Variants in PDE8A observed in about 807,000 individuals in gnomAD.
The protein encoded by PDE8A is high affinity cAMP-specific and IBMX-insensitive 3',5'-cyclic phosphodiesterase 8A.
In PDE8A, 59 loss-of-function variants were observed where a neutral mutation model predicts 105.0. That is an observed-to-expected ratio of 0.56 (90% confidence interval 0.46 to 0.70). The LOEUF (loss-of-function observed/expected upper bound fraction) is 0.70, where lower values mean the gene tolerates loss of function less well. Ranked by LOEUF, PDE8A falls within the 30% of genes least tolerant of loss-of-function variation. PDE8A has a pLI of 0.00. For missense variants in PDE8A, 1,014 were observed against 1,045.9 expected, an observed-to-expected ratio of 0.97 and a Z score of 0.42; for synonymous variants, 355 against 371.9, an observed-to-expected ratio of 0.95 and a Z score of 0.52.
intron 1 of PDE8A, among the ~76,000 whole-genome samples, chr15:84,989,978 T>C (rs2142149515): frequency 6.6e-6 from 1 of 152,302 alleles, no homozygotes; most frequent in South Asian, 2.1e-4. Flanking sequence ...ATTTTATTTT[T>C]GGATTCATTT....
intron 1 of PDE8A, among the ~76,000 whole-genome samples, chr15:85,045,688 T>G (rs1241737267): frequency 6.6e-6 from 1 of 152,208 alleles, no homozygotes; most frequent in East Asian, 1.9e-4. Flanking sequence ...GTACTCCTAG[T>G]ATCTAGCACT....
rs558126491 is a variant in PDE8A, at chr15:85,036,868, G to A, written c.187-27502G>A. Among the ~76,000 whole-genome samples the A allele has an allele frequency of 2.0e-5, 3 of 152,164 alleles. No homozygotes were observed. The South Asian group carries it at 6.2e-4, about 32-fold the overall frequency. Reference sequence around the variant, plus strand: ...AGTCGTCTTCTAACAGCACTGGTCAGGGACTTCTCTGACCCTTTCCTGTCC... The same window carrying A: ...AGTCGTCTTCTAACAGCACTGGTCAAGGACTTCTCTGACCCTTTCCTGTCC... On this transcript the variant is annotated intron_variant, in intron 1 of 21. Transcript: ENST00000394553.
At chr15:84,992,032 T>C (rs1255074402) in intron 1 of PDE8A, among the ~76,000 whole-genome samples, 1 of 152,220 alleles carries the variant, frequency 6.6e-6, no homozygotes, top group Admixed American at 6.5e-5. Flanking sequence ...AATACACACA[T>C]AGGTGTTAAA....
chr15:84,993,519 A>G (rs1398206550), intron 1 of PDE8A, among the ~76,000 whole-genome samples: 3 of 151,566 alleles, frequency 2.0e-5, no homozygotes, highest in African/African-American at 7.3e-5. Context: ...TCAGGAGATA[A>G]TGTCTCTTAA....
chr15:85,041,822 C>T (rs995771269), intron 1 of PDE8A, among the ~76,000 whole-genome samples: 1 of 152,170 alleles, frequency 6.6e-6, no homozygotes, highest in Non-Finnish European at 1.5e-5. Flanking sequence ...CCTCCATCCC[C>T]ATCCTAATGT....
chr15:85,099,328 C>G (rs2081817041), intron 9 of PDE8A, among the ~76,000 whole-genome samples: 1 of 152,268 alleles, frequency 6.6e-6, no homozygotes. Flanking sequence ...TCAGCACTGA[C>G]TGCACAGCTC....
chr15:85,132,573 C>A (rs192695008), intron 20 of PDE8A, among the ~76,000 whole-genome samples: 30 of 152,278 alleles, frequency 2.0e-4, no homozygotes, highest in Admixed American at 2.0e-3. Flanking sequence ...TTAAGTGATT[C>A]TCCTGCCTCA....
In PDE8A at chr15:85,075,873, C is replaced by T; in HGVS notation, c.446C>T (p.Ser149Leu). 6.4e-7 allele frequency: 1 copy of T among 1,554,854 alleles called. No homozygotes were observed. Among genetic ancestry groups the T allele is most frequent in the Non-Finnish European group, 8.8e-7 (1 of 1,133,280 alleles). Residue 149 changes from serine to leucine, a missense_variant, in exon 4 of 22, where the codon TCA (serine) becomes TTA (leucine). Coordinates refer to ENST00000394553, the MANE Select transcript of PDE8A (RefSeq NM_002605.3). ...DAEALCRSIR[S>L]SKLSENTVIV... Reference sequence around the variant, plus strand: ...GTGTTTTTTTTAAGGTCTATCAGATCATCAAAACTCTCAGAAAACACAGTT... The same window carrying T: ...GTGTTTTTTTTAAGGTCTATCAGATTATCAAAACTCTCAGAAAACACAGTT...
rs143937156 is a variant in PDE8A, at chr15:85,067,857, G to T, written c.434+653G>T. On this transcript the variant is annotated intron_variant, in intron 3 of 21. Coordinates refer to ENST00000394553, the MANE Select transcript of PDE8A (RefSeq NM_002605.3). ...GGGGTATGTGGTGACGTCAACATGG[G>T]TTTGTTTCCTTGGTGTTGAGAACTC... 3.9e-3 allele frequency among the ~76,000 whole-genome samples: 592 copies of T among 152,224 alleles called. 2 individuals are homozygous for T. Among genetic ancestry groups the T allele is most frequent in the Middle Eastern group, 6.8e-3 (2 of 294 alleles).
intron 1 of PDE8A, among the ~76,000 whole-genome samples, chr15:85,021,874 C>G (rs767814092): frequency 1.3e-5 from 2 of 152,174 alleles, no homozygotes; most frequent in Non-Finnish European, 2.9e-5. Context: ...AGGGAGGTTG[C>G]GTGTCCTCCT....
rs2081241518 is a variant in PDE8A at position 85,067,104 on chromosome 15, G to A, written c.334G>A (p.Glu112Lys). 1 of 1,613,580 alleles carries A rather than the reference G, an allele frequency of 6.2e-7. No individual in the cohort carries two copies. The highest frequency in any genetic ancestry group is 8.5e-7 in the Non-Finnish European group (1 of 1,179,630). The part of the protein sequence containing the change: ...KAGFKCTVTK[E>K]AQAVLACFLD... ...AGGGTTTAAGTGTACAGTTACCAAG[G>A]AGGCTCAGGCTGTCCTTGCCTGTTT... Residue 112 changes from glutamate to lysine, a missense_variant, in exon 3 of 22, where the codon GAG (glutamate) becomes AAG (lysine). Transcript: ENST00000394553.
At chr15:84,996,860 C>T (rs2079987301) in intron 1 of PDE8A, among the ~76,000 whole-genome samples, 1 of 132,694 alleles carries the variant, frequency 7.5e-6, no homozygotes, top group Non-Finnish European at 1.6e-5. Context: ...AGGTGGTACA[C>T]TTATATAAGG....
In PDE8A at chr15:85,100,080, G is replaced by GC. The variant is rs932732998; in HGVS notation, c.993+20dup. 9.9e-6 allele frequency: 16 copies of GC among 1,612,930 alleles called. No homozygotes were observed. In the East Asian group the frequency reaches 2.0e-4, roughly 20 times the overall value. On this transcript the variant is annotated intron_variant, in intron 10 of 21. Coordinates refer to ENST00000394553, the MANE Select transcript of PDE8A (RefSeq NM_002605.3). Reference sequence around the variant, plus strand: ...GGCAACAATAAGGTACGTAAGGAGAGCCCCCCGGGGCCCCAGGAACACCCC... The same window carrying GC: ...GGCAACAATAAGGTACGTAAGGAGAGCCCCCCCGGGGCCCCAGGAACACCCC...
intron 1 of PDE8A, among the ~76,000 whole-genome samples, chr15:85,051,868 A>G (rs910688665): frequency 1.3e-5 from 2 of 152,154 alleles, no homozygotes; most frequent in South Asian, 2.1e-4. Context: ...CATGTGCACA[A>G]TGTGCAGGTT....
At chr15:85,111,260 C>T (rs1020583497) in intron 12 of PDE8A, among the ~76,000 whole-genome samples, 6 of 152,094 alleles carry the variant, frequency 3.9e-5, no homozygotes, top group African/African-American at 9.7e-5. Context: ...TTATTACTTG[C>T]GCTTTTTATG....
Position 84,982,173 on chromosome 15 carries a change from C to T in PDE8A, c.11C>T (p.Ala4Val). The T allele has an allele frequency of 1.4e-6, 2 of 1,475,622 alleles. No homozygotes were observed. The highest frequency in any genetic ancestry group is 2.6e-5 in the South Asian group (2 of 77,578). 91.4% of individuals were successfully genotyped at this position (1,475,622 alleles called of 1,614,324 possible). MGCAPSIHISERLV... is the reference protein window; with the variant it reads MGCVPSIHISERLV... The stretch of plus-strand genomic sequence containing the variant: ...GGCGCCGCCGCCAGCATGGGCTGTG[C>T]CCCGAGCATCCACATTTCCGAGCGC... Residue 4 changes from alanine to valine, a missense_variant, in exon 1 of 22, where the codon GCC (alanine) becomes GTC (valine). Transcript: ENST00000394553.
chr15:85,080,811 A>G (rs558118977), intron 5 of PDE8A, among the ~76,000 whole-genome samples: 4 of 152,330 alleles, frequency 2.6e-5, no homozygotes, highest in Admixed American at 6.5e-5. Context: ...ATCAAAATCA[A>G]GGAACCCCCT....
chr15:85,024,248 C>T (rs1016378189), intron 1 of PDE8A, among the ~76,000 whole-genome samples: 3 of 152,178 alleles, frequency 2.0e-5, no homozygotes, highest in Non-Finnish European at 2.9e-5. Flanking sequence ...CTGTCCTTCC[C>T]TCCCCTAGAC....
At chr15:84,982,498 G>A (rs2079732569) in intron 1 of PDE8A, 150 bp downstream of exon 1, 2 of 471,210 alleles carry the variant, frequency 4.2e-6, no homozygotes, top group African/African-American at 2.0e-5. Flanking sequence ...CCAGTCTCCC[G>A]CCTTGCCGGG....
Sources: allele counts gnomAD v4.1 joint callset (sites outside exome capture counted in the v4.1 genomes callset), GRCh38; gene constraint gnomAD v4.1.1; transcripts MANE v1.5; gene names NCBI Gene and HGNC (gene_info 2026-07-23, HGNC 2026-07-21).